Variants in DACH2 observed in about 807,000 individuals in gnomAD.
DACH2 encodes the protein dachshund homolog 2.
Under a neutral mutation model 35.8 loss-of-function variants are expected in DACH2, and 17 were observed. That is an observed-to-expected ratio of 0.48 (90% CI 0.33 to 0.71). The LOEUF (loss-of-function observed/expected upper bound fraction) is 0.71, where lower values mean the gene tolerates loss of function less well. Among genes scored for constraint, DACH2 ranks in the 30% least tolerant of loss-of-function variants. The pLI, the probability that DACH2 is intolerant of heterozygous loss-of-function variation, is 0.02. For synonymous variants in DACH2, 195 were observed against 177.3 expected (o/e 1.10, Z -0.79); for missense variants, 469 against 472.7 (o/e 0.99, Z 0.07).
At chrX:86,564,975 C>A (rs985961779) in intron 3 of DACH2, among the ~76,000 whole-genome samples, 5 of 111,305 alleles carry the variant, frequency 4.5e-5, no homozygotes, top group African/African-American at 1.6e-4. Flanking sequence ...GCTTCTCACT[C>A]CAACCCATCC....
At chrX:86,289,883 C>T (rs1262521104) in intron 1 of DACH2, among the ~76,000 whole-genome samples, 8 of 108,718 alleles carry the variant, frequency 7.4e-5, no homozygotes, top group East Asian at 5.8e-4. Flanking sequence ...AATAAACATA[C>T]GTGTGCATGT....
chrX:86,767,102 A>G (rs2041942598), intron 7 of DACH2, among the ~76,000 whole-genome samples: 1 of 112,183 alleles, frequency 8.9e-6, no homozygotes, highest in African/African-American at 3.2e-5. Context: ...CCTATATCCA[A>G]TGATTCACGG....
intron 3 of DACH2, among the ~76,000 whole-genome samples, chrX:86,585,651 A>G (rs186285762): frequency 1.8e-5 from 2 of 110,936 alleles, no homozygotes; most frequent in East Asian, 5.7e-4. Context: ...TATAAATGAG[A>G]ATGTGTGGTG....
At chrX:86,473,950 C>G (rs1412776790) in intron 2 of DACH2, among the ~76,000 whole-genome samples, 1 of 111,616 alleles carries the variant, frequency 9.0e-6, no homozygotes, top group African/African-American at 3.3e-5. Flanking sequence ...AACTGTCTTC[C>G]ATAGCGGTTG....
intron 4 of DACH2, among the ~76,000 whole-genome samples, chrX:86,679,590 GTCTC>G (rs771394859): frequency 1.0e-5 from 1 of 98,349 alleles, no homozygotes; most frequent in African/African-American, 3.7e-5. Flanking sequence ...GGTTTTATAT[GTCTC>G]TCTCTCTCTC....
chrX:86,632,823 C>T (rs2040217685), intron 3 of DACH2, among the ~76,000 whole-genome samples: 1 of 110,539 alleles, frequency 9.0e-6, no homozygotes, highest in African/African-American at 3.3e-5. Context: ...GGAAATTAAA[C>T]AAAATGCTCC....
At chrX:86,807,570 A>T (rs2042356893) in intron 7 of DACH2, among the ~76,000 whole-genome samples, 1 of 111,933 alleles carries the variant, frequency 8.9e-6, no homozygotes, top group Non-Finnish European at 1.9e-5. Context: ...TACTATTCGC[A>T]TATTTTTTAT....
intron 1 of DACH2, among the ~76,000 whole-genome samples, chrX:86,197,736 G>A (rs2032032024): frequency 8.9e-6 from 1 of 111,769 alleles, no homozygotes; most frequent in African/African-American, 3.3e-5. Flanking sequence ...AAATATATAT[G>A]CAGTCAACAC....
chrX:86,516,990 G>A (rs949608702), intron 3 of DACH2, among the ~76,000 whole-genome samples: 1 of 110,869 alleles, frequency 9.0e-6, no homozygotes, highest in Admixed American at 9.6e-5. Context: ...CTGTGTCTTT[G>A]CTATCATGAA....
At chrX:86,389,005 G>T (rs978020062) in intron 2 of DACH2, among the ~76,000 whole-genome samples, 3 of 111,222 alleles carry the variant, frequency 2.7e-5, no homozygotes, top group African/African-American at 9.8e-5. Flanking sequence ...GAAAGGGAGG[G>T]CTTAATATTA....
chrX:86,341,583 CAA>C (rs2035413392), intron 1 of DACH2, among the ~76,000 whole-genome samples: 1 of 112,171 alleles, frequency 8.9e-6, no homozygotes. Flanking sequence ...TTTCGATGTT[CAA>C]GTCTCTTTTT....
intron 2 of DACH2, among the ~76,000 whole-genome samples, chrX:86,482,046 A>G (rs2037944627): frequency 8.9e-6 from 1 of 112,142 alleles, no homozygotes. Context: ...GACTTTAGAC[A>G]GAAAGAATAT....
chrX:86,637,438 A>G (rs2040287973), intron 3 of DACH2, among the ~76,000 whole-genome samples: 1 of 110,291 alleles, frequency 9.1e-6, no homozygotes, highest in Admixed American at 9.7e-5. Context: ...AGACATTTGC[A>G]GCACTATTCA....
chrX:86,278,617 C>A (rs374136660), intron 1 of DACH2, among the ~76,000 whole-genome samples: 1 of 112,050 alleles, frequency 8.9e-6, no homozygotes, highest in Non-Finnish European at 1.9e-5. Flanking sequence ...ACTTTCATAC[C>A]AATCTAATAG....
At chrX:86,319,045 T>A (rs777481529) in intron 1 of DACH2, among the ~76,000 whole-genome samples, 1 of 112,378 alleles carries the variant, frequency 8.9e-6, no homozygotes, top group African/African-American at 3.2e-5. Flanking sequence ...TTCTATTCAA[T>A]CTTAACCAGT....
intron 7 of DACH2, among the ~76,000 whole-genome samples, chrX:86,749,366 G>A (rs2041748225): frequency 8.9e-6 from 1 of 111,759 alleles, no homozygotes; most frequent in African/African-American, 3.3e-5. Flanking sequence ...TTTAAAGCGA[G>A]ATACATGTGA....
chrX:86,373,010 C>T (rs141776710), intron 1 of DACH2, among the ~76,000 whole-genome samples: 4 of 110,839 alleles, frequency 3.6e-5, no homozygotes, highest in Non-Finnish European at 7.6e-5. Flanking sequence ...TGATTTTGTT[C>T]TTTTTTATGG....
intron 3 of DACH2, among the ~76,000 whole-genome samples, chrX:86,553,391 C>A (rs1463189431): frequency 9.0e-6 from 1 of 111,689 alleles, no homozygotes; most frequent in Non-Finnish European, 1.9e-5. Flanking sequence ...GGTGCCCACT[C>A]AGATTGAGGG....
intron 7 of DACH2, among the ~76,000 whole-genome samples, chrX:86,812,494 A>G (rs969646717): frequency 4.4e-4 from 49 of 112,015 alleles, no homozygotes; most frequent in Admixed American, 2.6e-3. Flanking sequence ...AAATAAATTG[A>G]TTGATTAATA....
Sources: allele counts gnomAD v4.1 joint callset (sites outside exome capture counted in the v4.1 genomes callset), GRCh38; gene constraint gnomAD v4.1.1; transcripts MANE v1.5; gene names NCBI Gene and HGNC (gene_info 2026-07-23, HGNC 2026-07-21).